AKAP12: variants seen among roughly 807,000 people sequenced by gnomAD.
AKAP12 encodes A-kinase anchoring protein 12, also known as A-kinase anchor protein 12.
In AKAP12, 32 loss-of-function variants were observed where a neutral mutation model predicts 79.9. The ratio of observed to expected loss-of-function variants is 0.40; its 90% CI spans 0.30 to 0.54. The LOEUF is 0.54. Ranked by LOEUF, AKAP12 falls within the 20% of genes least tolerant of loss-of-function variation. AKAP12 has a pLI of 0.48. For synonymous variants in AKAP12, 808 were observed against 857.0 expected, an observed-to-expected ratio of 0.94 and a Z score of 1.00; for missense variants, 2,074 against 2,177.0, an observed-to-expected ratio of 0.95 and a Z score of 0.94.
At chr6:151,316,639 T>C (rs4869726) in intron 3 of AKAP12, among the ~76,000 whole-genome samples, 5,696 of 152,246 alleles carry the variant, frequency 0.037, 128 homozygotes, top group South Asian at 0.076. Flanking sequence ...CCTGTTCTTA[T>C]AATTTTTTTG....
intron 2 of AKAP12, among the ~76,000 whole-genome samples, chr6:151,271,907 A>G (rs1582846976): frequency 6.6e-6 from 1 of 151,864 alleles, no homozygotes; most frequent in South Asian, 2.1e-4. Flanking sequence ...TGATCCACCC[A>G]CCTCGGCCTC....
In AKAP12 at chr6:151,352,886, G is replaced by A; in HGVS notation, c.4495G>A (p.Asp1499Asn). 7 of 1,614,154 alleles carry A rather than the reference G, an allele frequency of 4.3e-6. No individual in the cohort carries two copies. The highest frequency in any genetic ancestry group is 4.2e-6 in the Non-Finnish European group (5 of 1,180,042). The change falls in exon 4 of 5, where the codon GAC becomes AAC. Residue 1499 changes from aspartate to asparagine, a missense_variant. Asp to Asn is a conservative substitution (Grantham distance 23). Transcript: ENST00000402676. ...TACTACCAAGAAAGGCTTAAGTTCC[G>A]ACCTGGAAGGAGAGAAAACCACATC... is the stretch of plus-strand genomic sequence containing the variant. ...SATTKKGLSS[D>N]LEGEKTTSLK... is the part of the protein sequence containing the mutation.
intron 3 of AKAP12, among the ~76,000 whole-genome samples, chr6:151,326,651 C>T (rs916580209): frequency 1.7e-4 from 26 of 152,276 alleles, no homozygotes; most frequent in Admixed American, 4.6e-4. Context: ...TCTAACTTGA[C>T]ATTTGATAGT....
At chr6:151,300,646 G>T (rs1275936268) in intron 2 of AKAP12, among the ~76,000 whole-genome samples, 1 of 152,078 alleles carries the variant, frequency 6.6e-6, no homozygotes, top group Non-Finnish European at 1.5e-5. Flanking sequence ...GCTACCACTT[G>T]GACATTCTTG....
chr6:151,258,832 TAGTC>T (rs1797352035), intron 2 of AKAP12, among the ~76,000 whole-genome samples: 1 of 151,632 alleles, frequency 6.6e-6, no homozygotes, highest in South Asian at 2.1e-4. Context: ...TTCACCATGT[TAGTC>T]AGGCTGGTCT....
chr6:151,261,731 T>C (rs1003295448), intron 2 of AKAP12, among the ~76,000 whole-genome samples: 3 of 140,720 alleles, frequency 2.1e-5, no homozygotes, highest in African/African-American at 8.1e-5. Flanking sequence ...TGGTTTTTAT[T>C]ATTTTATTTA....
At chr6:151,346,797 C>A (rs986764932) in intron 3 of AKAP12, among the ~76,000 whole-genome samples, 5 of 152,194 alleles carry the variant, frequency 3.3e-5, no homozygotes, top group African/African-American at 1.2e-4. Flanking sequence ...TGAGTTATTA[C>A]AATGGTGTCT....
intron 2 of AKAP12, 29 bp from the exon 3 acceptor site, chr6:151,305,718 A>C: frequency 2.5e-6 from 4 of 1,584,328 alleles, no homozygotes; most frequent in Non-Finnish European, 3.4e-6. Context: ...GACTGAAATT[A>C]AGTTTCTATG....
In AKAP12 at chr6:151,351,934, C is replaced by T. The variant is rs573717108; in HGVS notation, c.3543C>T (p.Asp1181=). 2.6e-5 allele frequency: 42 copies of T among 1,614,120 alleles called. No homozygotes were observed. Among genetic ancestry groups the T allele is most frequent in the African/African-American group, 1.7e-4 (13 of 75,024 alleles). ...TDGSTPVADF[D]APGTTQKDEI... ...GAAGCACCCCCGTAGCCGACTTTGA[C>T]GCACCAGGCACAACCCAGAAAGACG... Residue 1181 remains aspartate (D), a synonymous_variant, in exon 4 of 5, where the codon GAC becomes GAT. Coordinates refer to ENST00000402676, the MANE Select transcript of AKAP12 (RefSeq NM_005100.4). This position sits in a 1 kb window ranked among gnomAD's most constrained non-coding sequence, Gnocchi z 4.4.
rs192734857 is a variant in AKAP12, at chr6:151,338,512, G to A, written c.320-10199G>A. On this transcript the variant is annotated intron_variant, in intron 3 of 4. Transcript: ENST00000402676. ...GCTCTGTTGCCCAGGATGGAGTGTA[G>A]TGGCGTGATCTGGGTTTACTGCAAC... is the stretch of plus-strand genomic sequence containing the variant. Among the ~76,000 whole-genome samples the A allele has an allele frequency of 1.9e-3, 292 of 150,074 alleles. 1 individual carries two copies. The highest frequency in any genetic ancestry group is 7.0e-3 in the African/African-American group (283 of 40,414).
chr6:151,256,975 A>G (rs1227150805), intron 2 of AKAP12, among the ~76,000 whole-genome samples: 2 of 124,090 alleles, frequency 1.6e-5, no homozygotes, highest in Non-Finnish European at 3.4e-5. Flanking sequence ...CTTTAAATTA[A>G]CCAAATATAG....
In AKAP12 at chr6:151,350,414, A is replaced by G. The variant is rs1778251235; in HGVS notation, c.2023A>G (p.Thr675Ala). Residue 675 changes from threonine (T) to alanine (A), a missense_variant, in exon 4 of 5, where the codon ACC (threonine) becomes GCC (alanine). This residue lies in a region of AKAP12 where 1,428 missense variants were observed against 1,451.0 expected (regional missense o/e 0.98). Coordinates refer to ENST00000402676, the MANE Select transcript of AKAP12 (RefSeq NM_005100.4). This position sits in a 1 kb window ranked among gnomAD's most constrained non-coding sequence, Gnocchi z 4.8. ...GGAAGAACCAAAGCGCAAGGTGGAT[A>G]CCTCAGTATCTTGGGAAGCTTTAAT... ...KPEEPKRKVD[T>A]SVSWEALICV... 1 of 1,613,964 alleles carries G rather than the reference A, an allele frequency of 6.2e-7. No individual in the cohort carries two copies. The highest frequency in any genetic ancestry group is 1.3e-5 in the African/African-American group (1 of 74,878).
At chr6:151,261,460 G>T (rs921713424) in intron 2 of AKAP12, among the ~76,000 whole-genome samples, 3 of 152,070 alleles carry the variant, frequency 2.0e-5, no homozygotes, top group Non-Finnish European at 4.4e-5. Flanking sequence ...GGAGGCAGAG[G>T]CGGGTGGATC....
At chr6:151,297,148 T>C (rs1031298100) in intron 2 of AKAP12, among the ~76,000 whole-genome samples, 2 of 151,816 alleles carry the variant, frequency 1.3e-5, no homozygotes, top group African/African-American at 4.8e-5. Flanking sequence ...CTCTTTGAGT[T>C]ACATTGATGG....
At chr6:151,338,612 C>T (rs1373098812) in intron 3 of AKAP12, among the ~76,000 whole-genome samples, 3 of 152,072 alleles carry the variant, frequency 2.0e-5, no homozygotes, top group Admixed American at 6.6e-5. Flanking sequence ...CCCACCACCA[C>T]GCCCGGCTAA....
In AKAP12 at chr6:151,288,037, G is replaced by A. The variant is rs1163985825; in HGVS notation, c.163-17710G>A. Among the ~76,000 whole-genome samples the A allele has an allele frequency of 2.6e-5, 4 of 151,740 alleles. No individual in the cohort carries two copies. The East Asian group carries it at 5.8e-4, about 22-fold the overall frequency. On this transcript the variant is annotated intron_variant, in intron 2 of 4. Coordinates refer to ENST00000402676, the MANE Select transcript of AKAP12 (RefSeq NM_005100.4). ...AAGGAGAACACCTGGACACAGGGAG[G>A]GGAACATCACACACCGGGGCCTGTT... is the stretch of plus-strand genomic sequence containing the variant.
chr6:151,246,440 A>T (rs527335419), intron 2 of AKAP12, among the ~76,000 whole-genome samples: 2 of 152,130 alleles, frequency 1.3e-5, no homozygotes, highest in African/African-American at 4.8e-5. Flanking sequence ...AAAAACAAAA[A>T]CAAAAAATTT....
chr6:151,335,591 C>A (rs1582889863), intron 3 of AKAP12, among the ~76,000 whole-genome samples: 1 of 152,192 alleles, frequency 6.6e-6, no homozygotes. Flanking sequence ...CCTGCCTCAG[C>A]CTCTCAAGTA....
At chr6:151,266,684 T>TA (rs1776036121) in intron 2 of AKAP12, among the ~76,000 whole-genome samples, 1 of 152,174 alleles carries the variant, frequency 6.6e-6, no homozygotes, top group African/African-American at 2.4e-5. Context: ...AAATGTTTGT[T>TA]ACAAATGTTT....
Sources: allele counts gnomAD v4.1 joint callset (sites outside exome capture counted in the v4.1 genomes callset), GRCh38; gene constraint gnomAD v4.1.1; regional missense constraint gnomAD v4.1.1; non-coding constraint Gnocchi (gnomAD v3.1); transcripts MANE v1.5; gene names NCBI Gene and HGNC (gene_info 2026-07-23, HGNC 2026-07-21).